The following MSI2 variants were observed in gnomAD, a reference collection of about 807,000 sequenced individuals.
The protein encoded by MSI2 is musashi RNA binding protein 2, also known as RNA-binding protein Musashi homolog 2.
In MSI2, 17 loss-of-function variants were observed where a neutral mutation model predicts 45.6. The observed-to-expected ratio is 0.37, with a 90% confidence interval of 0.26 to 0.56. The LOEUF (loss-of-function observed/expected upper bound fraction) is 0.56. Ranked by LOEUF, MSI2 falls within the 20% of genes least tolerant of loss-of-function variation. MSI2 has a pLI of 0.77. For missense variants in MSI2, 293 were observed against 444.2 expected (o/e 0.66, Z 3.06); for synonymous variants, 156 against 158.2 (o/e 0.99, Z 0.11).
At chr17:57,474,859 C>T (rs2085508637) in intron 6 of MSI2, among the ~76,000 whole-genome samples, 1 of 152,160 alleles carries the variant, frequency 6.6e-6, no homozygotes, top group Non-Finnish European at 1.5e-5. Flanking sequence ...GCTGGGATTA[C>T]AGGCGTGCAC....
At chr17:57,381,304 G>A (rs1055429146) in intron 5 of MSI2, among the ~76,000 whole-genome samples, 5 of 152,114 alleles carry the variant, frequency 3.3e-5, no homozygotes, top group African/African-American at 1.2e-4. Context: ...GGATTCAAGC[G>A]ATCTGCCTGT....
chr17:57,650,202 C>T (rs1320904567), intron 10 of MSI2, among the ~76,000 whole-genome samples: 1 of 152,020 alleles, frequency 6.6e-6, no homozygotes, highest in African/African-American at 2.4e-5. Flanking sequence ...CTCCCCTCCC[C>T]CACTTCGTTC....
chr17:57,387,065 A>G (rs915953370), intron 5 of MSI2, among the ~76,000 whole-genome samples: 3 of 152,196 alleles, frequency 2.0e-5, no homozygotes, highest in East Asian at 1.9e-4. Context: ...TGAGCCCTCC[A>G]TGTTCCGGCT....
At chr17:57,666,893 C>T (rs1912409605) in intron 11 of MSI2, among the ~76,000 whole-genome samples, 1 of 152,160 alleles carries the variant, frequency 6.6e-6, no homozygotes. Context: ...CAGAGGCAGT[C>T]AATGGATCAA....
intron 7 of MSI2, among the ~76,000 whole-genome samples, chr17:57,544,078 TG>T (rs1404819999): frequency 1.3e-5 from 2 of 152,036 alleles, no homozygotes; most frequent in African/African-American, 4.8e-5. Context: ...GTGTGTTGTG[TG>T]TATGTGCGTG....
At chr17:57,518,764 C>T (rs1389710035) in intron 6 of MSI2, among the ~76,000 whole-genome samples, 2 of 152,228 alleles carry the variant, frequency 1.3e-5, no homozygotes, top group Non-Finnish European at 2.9e-5. Context: ...TCCCCCAGCA[C>T]ATGCACGCAC....
chr17:57,316,939 GAAA>G (rs5821173), intron 5 of MSI2, among the ~76,000 whole-genome samples: 9 of 145,516 alleles, frequency 6.2e-5, no homozygotes, highest in African/African-American at 2.2e-4. Flanking sequence ...TTTGAGGCAG[GAAA>G]AAAAAAAAGG....
At chr17:57,645,301 C>T (rs1598486911) in intron 10 of MSI2, among the ~76,000 whole-genome samples, 1 of 152,196 alleles carries the variant, frequency 6.6e-6, no homozygotes, top group Non-Finnish European at 1.5e-5. Context: ...AGAGTTAGCC[C>T]CCTGTATTCT....
At chr17:57,542,879 A>G (rs1208411505) in intron 7 of MSI2, among the ~76,000 whole-genome samples, 1 of 152,148 alleles carries the variant, frequency 6.6e-6, no homozygotes, top group Admixed American at 6.5e-5. Flanking sequence ...GTCTGTGCCC[A>G]TGACTTCTTG....
chr17:57,411,195 CAG>C (rs897719190), intron 6 of MSI2, among the ~76,000 whole-genome samples: 2 of 152,062 alleles, frequency 1.3e-5, no homozygotes, highest in African/African-American at 4.8e-5. Flanking sequence ...TTAGTAGAGA[CAG>C]GGTTTCACCG....
At chr17:57,326,102 T>TTGC (rs1479585539) in intron 5 of MSI2, among the ~76,000 whole-genome samples, 3 of 152,194 alleles carry the variant, frequency 2.0e-5, no homozygotes, top group Non-Finnish European at 4.4e-5. Context: ...ATTAGGTTGT[T>TTGC]TGCTGCTGCT....
At position 57,398,952 on chromosome 17, in the gene MSI2, A is replaced by G. The variant is rs148146763; in HGVS notation, c.313-2427A>G. Among the ~76,000 whole-genome samples the G allele has an allele frequency of 9.7e-3, 1,469 of 152,106 alleles. 9 individuals are homozygous for G. Among genetic ancestry groups the G allele is most frequent in the Non-Finnish European group, 0.015 (1,023 of 68,004 alleles). ...ACATTCCACATTCTATTAGAATGTAAGCTCCAGCACCTCGCACTTAATGTA... is the reference window on the plus strand; with the variant it reads ...ACATTCCACATTCTATTAGAATGTAGGCTCCAGCACCTCGCACTTAATGTA... On this transcript the variant is annotated intron_variant, in intron 5 of 13. Coordinates refer to ENST00000284073, the MANE Select transcript of MSI2 (RefSeq NM_138962.4).
At chr17:57,493,796 G>A (rs997492330) in intron 6 of MSI2, among the ~76,000 whole-genome samples, 10 of 151,968 alleles carry the variant, frequency 6.6e-5, no homozygotes, top group African/African-American at 2.2e-4. Context: ...CCTCCCCTTG[G>A]AGCCATTTTC....
intron 1 of MSI2, 139 bp from the exon 2 acceptor site, chr17:57,256,959 C>T: frequency 7.5e-7 from 1 of 1,326,602 alleles, no homozygotes; most frequent in Non-Finnish European, 1.0e-6. Flanking sequence ...TTGCATTTCG[C>T]CGTCACCTTC....
intron 6 of MSI2, among the ~76,000 whole-genome samples, chr17:57,413,023 A>T (rs2084225193): frequency 6.6e-6 from 1 of 152,260 alleles, no homozygotes; most frequent in African/African-American, 2.4e-5. Context: ...AAACAGAGTG[A>T]GCACTTAACA....
intron 6 of MSI2, among the ~76,000 whole-genome samples, chr17:57,459,630 G>A (rs548530628): frequency 1.3e-5 from 2 of 152,320 alleles, no homozygotes; most frequent in Admixed American, 1.3e-4. Flanking sequence ...GGTAGGTCCT[G>A]GAGACAGGAG....
At chr17:57,686,617 G>GT (rs1913889991), downstream of MSI2, among the ~76,000 whole-genome samples, 1 of 151,782 alleles carries the variant, frequency 6.6e-6, no homozygotes, top group Non-Finnish European at 1.5e-5. Flanking sequence ...TGAAATGTCA[G>GT]TATCAGACAG....
intron 6 of MSI2, among the ~76,000 whole-genome samples, chr17:57,434,464 G>T (rs1232073588): frequency 6.6e-6 from 1 of 152,156 alleles, no homozygotes; most frequent in Non-Finnish European, 1.5e-5. Flanking sequence ...CTGTTCTGTA[G>T]ATCACTGGAA....
chr17:57,419,917 C>T (rs867489044), intron 6 of MSI2, among the ~76,000 whole-genome samples: 3 of 152,140 alleles, frequency 2.0e-5, no homozygotes, highest in South Asian at 2.1e-4. Flanking sequence ...GGACAGTTGT[C>T]GGTGTTGGTG....
Sources: allele counts gnomAD v4.1 joint callset (sites outside exome capture counted in the v4.1 genomes callset), GRCh38; gene constraint gnomAD v4.1.1; transcripts MANE v1.5; gene names NCBI Gene and HGNC (gene_info 2026-07-23, HGNC 2026-07-21).